PPP5C: variants seen among roughly 807,000 people sequenced by gnomAD.
PPP5C encodes the protein protein phosphatase 5 catalytic subunit, also known as serine/threonine-protein phosphatase 5.
PPP5C carries 21 observed loss-of-function variants against 66.7 expected under a neutral mutation model. The observed-to-expected ratio is 0.31, with a 90% CI of 0.22 to 0.45. The LOEUF is 0.45. PPP5C is among the 20% of genes least tolerant of loss of function. The pLI, the probability that PPP5C is intolerant of heterozygous loss-of-function variation, is 1.00. For missense variants in PPP5C, 464 were observed against 675.9 expected, an observed-to-expected ratio of 0.69 and a Z score of 3.48; for synonymous variants, 246 against 257.4, an observed-to-expected ratio of 0.96 and a Z score of 0.43.
chr19:46,353,098 G>C (rs1027503423), intron 1 of PPP5C, among the ~76,000 whole-genome samples: 1 of 152,176 alleles, frequency 6.6e-6, no homozygotes, highest in Admixed American at 6.5e-5. Context: ...GGCTCTGCAG[G>C]TGCAGACAGG....
At chr19:46,364,095 A>G (rs1425771009) in intron 2 of PPP5C, among the ~76,000 whole-genome samples, 3 of 152,216 alleles carry the variant, frequency 2.0e-5, no homozygotes, top group African/African-American at 4.8e-5. Flanking sequence ...GTTTTACATT[A>G]TCCTTGGCAA....
At chr19:46,353,545 T>G (rs1972228768) in intron 1 of PPP5C, among the ~76,000 whole-genome samples, 1 of 151,638 alleles carries the variant, frequency 6.6e-6, no homozygotes, top group African/African-American at 2.4e-5. Flanking sequence ...GTGTGTGGAG[T>G]CCTGGAGACT....
At chr19:46,382,172 C>T (rs1972803281) in intron 4 of PPP5C, 1 of 152,280 alleles carries the variant, frequency 6.6e-6, no homozygotes, top group Non-Finnish European at 1.5e-5. Context: ...TGTGCTGGGG[C>T]TCCCTGGAGT....
At chr19:46,347,276 C>T (rs1232632230) in intron 1 of PPP5C, 59 bp downstream of exon 1, 3 of 1,524,884 alleles carry the variant, frequency 2.0e-6, no homozygotes, top group East Asian at 4.9e-5. Flanking sequence ...GCCGGGCCCG[C>T]GCGGAACCAT....
chr19:46,387,428 G>A lies in PPP5C; in HGVS notation c.1110G>A (p.Glu370=). The change falls in exon 9 of 13, where the codon GAG becomes GAA. Residue 370 remains glutamate (E), a synonymous_variant. Transcript: ENST00000012443. ...GVTLDDIRKI[E]RNRQPPDSGP... is the part of the protein sequence containing the mutation. Reference sequence around the variant, plus strand: ...CCCTGGATGACATCCGGAAAATTGAGCGGAATCGACAACCCCCAGATTCAG... The same window carrying A: ...CCCTGGATGACATCCGGAAAATTGAACGGAATCGACAACCCCCAGATTCAG... 1 of 1,613,660 alleles carries A rather than the reference G, an allele frequency of 6.2e-7. No homozygotes were observed. Among genetic ancestry groups the A allele is most frequent in the Non-Finnish European group, 8.5e-7 (1 of 1,179,576 alleles).
chr19:46,384,405 G>A (rs536348813), intron 6 of PPP5C: 4 of 255,114 alleles, frequency 1.6e-5, no homozygotes, highest in Non-Finnish European at 3.1e-5. Flanking sequence ...CTCGATGAAC[G>A]GCCACTTGTA....
At chr19:46,348,506 G>T (rs1972125676) in intron 1 of PPP5C, among the ~76,000 whole-genome samples, 1 of 152,028 alleles carries the variant, frequency 6.6e-6, no homozygotes, top group African/African-American at 2.4e-5. Flanking sequence ...TAGAGATGGG[G>T]TTTCGCCATG....
intron 2 of PPP5C, among the ~76,000 whole-genome samples, chr19:46,360,418 A>G (rs1375414289): frequency 6.6e-6 from 1 of 152,166 alleles, no homozygotes; most frequent in Non-Finnish European, 1.5e-5. Context: ...GGGGTCCCTG[A>G]CATCCAGAAG....
At chr19:46,349,467 T>C (rs1202705941) in intron 1 of PPP5C, among the ~76,000 whole-genome samples, 1 of 151,736 alleles carries the variant, frequency 6.6e-6, no homozygotes, top group Non-Finnish European at 1.5e-5. Context: ...GGAAGAGACT[T>C]GGCCTCCAAC....
Position 46,360,244 on chromosome 19 carries a change from G to A in PPP5C, c.363+6255G>A, listed in dbSNP as rs952918235. Among the ~76,000 whole-genome samples the A allele has an allele frequency of 1.5e-4, 23 of 152,072 alleles. No individual in the cohort carries two copies. The East Asian group carries it at 3.3e-3, about 22-fold the overall frequency. ...ATAATTAATAACTGATAACATATAC[G>A]AGGACATAGTTTCTTTTTTAGAAAT... On this transcript the variant is annotated intron_variant, in intron 2 of 12. Transcript: ENST00000012443.
chr19:46,355,561 G>A (rs1004129706), intron 2 of PPP5C, among the ~76,000 whole-genome samples: 2 of 151,978 alleles, frequency 1.3e-5, no homozygotes, highest in African/African-American at 4.8e-5. Flanking sequence ...ATGTGGCGGG[G>A]GGTTAGGGCG....
rs1320568707 is a variant in PPP5C at position 46,376,453 on chromosome 19, C to T, written c.512C>T (p.Thr171Ile). The T allele has an allele frequency of 1.9e-6, 3 of 1,613,328 alleles. No individual in the cohort carries two copies. The highest frequency in any genetic ancestry group is 2.5e-6 in the Non-Finnish European group (3 of 1,179,552). ...TCGTGTCCCGTTGTTCACACCCTAG[C>T]CATTGAGGATGAGTACAGCGGACCC... ...VVDSLDIESM[T>I]IEDEYSGPKL... Residue 171 changes from threonine (T) to isoleucine (I), a missense_variant and splice_region_variant, in exon 4 of 13, where the codon ACC (threonine) becomes ATC (isoleucine). Thr to Ile is a moderately conservative substitution (Grantham distance 89). Transcript: ENST00000012443. The surrounding 1 kb of genome is among the most constrained non-coding windows in gnomAD (Gnocchi z 5.1).
chr19:46,376,339 G>A lies in PPP5C; in HGVS notation c.512-114G>A, dbSNP rs545454958. 32 of 1,388,020 alleles carry A rather than the reference G, an allele frequency of 2.3e-5. No homozygotes were observed. The African/African-American group carries it at 2.8e-4, about 12-fold the overall frequency. 86.0% of individuals were successfully genotyped at this position (1,388,020 alleles called of 1,614,324 possible). ...GGGGACTCTTCACTCACTCTGTCCC[G>A]CTCTCGACCTGTGTGTCCACACCCA... On this transcript the variant is annotated intron_variant, in intron 3 of 12. Coordinates refer to ENST00000012443, the MANE Select transcript of PPP5C (RefSeq NM_006247.4). This position sits in a 1 kb window ranked among gnomAD's most constrained non-coding sequence, Gnocchi z 5.1.
In PPP5C at chr19:46,376,680, A is replaced by G. The variant is rs1972702727; in HGVS notation, c.633+106A>G. On this transcript the variant is annotated intron_variant, in intron 4 of 12. Coordinates refer to ENST00000012443, the MANE Select transcript of PPP5C (RefSeq NM_006247.4). The surrounding 1 kb of genome is among the most constrained non-coding windows in gnomAD (Gnocchi z 5.1). ...ACGACAGGAGAAGGGCGGCCATGAC[A>G]GCCAACACCAAACAGGAGTCGTGTG... is the stretch of plus-strand genomic sequence containing the variant. 2 of 1,463,296 alleles carry G rather than the reference A, an allele frequency of 1.4e-6. No individual in the cohort carries two copies. The highest frequency in any genetic ancestry group is 9.3e-7 in the Non-Finnish European group (1 of 1,076,492). The allele number at this position is 1,463,296 out of a possible 1,614,324, so 90.6% of individuals were successfully genotyped here. A position where few individuals can be genotyped will look rare whatever the true frequency, so the allele number is the denominator to read the frequency against.
At chr19:46,374,107 C>T (rs1455146874) in intron 2 of PPP5C, among the ~76,000 whole-genome samples, 1 of 152,212 alleles carries the variant, frequency 6.6e-6, no homozygotes, top group African/African-American at 2.4e-5. Flanking sequence ...CTGCCTTACA[C>T]CCACCCACAG....
chr19:46,361,005 AG>A (rs1972374467), intron 2 of PPP5C, among the ~76,000 whole-genome samples: 1 of 152,026 alleles, frequency 6.6e-6, no homozygotes, highest in Non-Finnish European at 1.5e-5. Flanking sequence ...ACAGCATAAG[AG>A]CAACAGAATC....
chr19:46,383,066 C>T lies in PPP5C; in HGVS notation c.634-345C>T. The T allele has an allele frequency of 9.0e-7, 1 of 1,114,152 alleles. No individual in the cohort carries two copies. The highest frequency in any genetic ancestry group is 1.1e-6 in the Non-Finnish European group (1 of 870,840). 69.0% of individuals were successfully genotyped at this position (1,114,152 alleles called of 1,614,324 possible). On this transcript the variant is annotated intron_variant, in intron 4 of 12. Coordinates refer to ENST00000012443, the MANE Select transcript of PPP5C (RefSeq NM_006247.4). The surrounding 1 kb of genome is among the most constrained non-coding windows in gnomAD (Gnocchi z 5.0). Reference sequence around the variant, plus strand: ...TCTTTTTTGGGAGACTCTTTTATGACAGTGACATTGCGCTGTGTCCAGGCC... The same window carrying T: ...TCTTTTTTGGGAGACTCTTTTATGATAGTGACATTGCGCTGTGTCCAGGCC...
chr19:46,370,799 G>A (rs1363453811), intron 2 of PPP5C, among the ~76,000 whole-genome samples: 1 of 151,950 alleles, frequency 6.6e-6, no homozygotes, highest in African/African-American at 2.4e-5. Flanking sequence ...GGAGTGCAGT[G>A]GCGGGATCTC....
At chr19:46,384,711 C>G (rs1216348545) in intron 6 of PPP5C, 93 bp from the exon 7 acceptor site, 1 of 935,210 alleles carries the variant, frequency 1.1e-6, no homozygotes, top group Non-Finnish European at 1.7e-6. Context: ...CAGGCAGGAG[C>G]AGCCCATCTG....
Sources: allele counts gnomAD v4.1 joint callset (sites outside exome capture counted in the v4.1 genomes callset), GRCh38; gene constraint gnomAD v4.1.1; non-coding constraint Gnocchi (gnomAD v3.1); transcripts MANE v1.5; gene names NCBI Gene and HGNC (gene_info 2026-07-23, HGNC 2026-07-21).